The following FCHSD2 variants were observed in gnomAD, a reference collection of about 807,000 sequenced individuals.
FCHSD2 encodes F-BAR and double SH3 domains protein 2.
FCHSD2 carries 38 observed loss-of-function variants against 108.1 expected under a neutral mutation model. The observed-to-expected ratio is 0.35, with a 90% CI of 0.27 to 0.46. FCHSD2 has a LOEUF of 0.46. FCHSD2 is among the 20% of genes least tolerant of loss of function. The pLI is 1.00. For synonymous variants in FCHSD2, 279 were observed against 314.7 expected, an observed-to-expected ratio of 0.89 and a Z score of 1.20; for missense variants, 751 against 897.8, an observed-to-expected ratio of 0.84 and a Z score of 2.09.
intron 3 of FCHSD2, among the ~76,000 whole-genome samples, chr11:73,058,534 C>T (rs1859085723): frequency 6.6e-6 from 1 of 151,450 alleles, no homozygotes; most frequent in South Asian, 2.1e-4. Flanking sequence ...TTTAACAAAA[C>T]TTCTTGGCTA....
intron 2 of FCHSD2, among the ~76,000 whole-genome samples, chr11:73,135,744 C>T (rs928773891): frequency 5.3e-5 from 8 of 152,182 alleles, no homozygotes; most frequent in Non-Finnish European, 8.8e-5. Context: ...ACTTCACTCC[C>T]AAATACTAGC....
intron 2 of FCHSD2, among the ~76,000 whole-genome samples, chr11:73,114,706 G>A (rs930793897): frequency 2.6e-5 from 4 of 152,142 alleles, no homozygotes; most frequent in Admixed American, 6.6e-5. Context: ...TTCTGGCCCA[G>A]GGTGTGTCTA....
intron 3 of FCHSD2, among the ~76,000 whole-genome samples, chr11:73,060,603 T>C (rs1199417712): frequency 6.6e-6 from 1 of 152,222 alleles, no homozygotes. Flanking sequence ...ACCATGTAAT[T>C]ATTTCATGCT....
intron 4 of FCHSD2, among the ~76,000 whole-genome samples, chr11:73,013,430 C>T (rs1268414763): frequency 6.6e-6 from 1 of 152,338 alleles, no homozygotes; most frequent in East Asian, 1.9e-4. Flanking sequence ...TGGCTATCTC[C>T]TGTATGCTTA....
intron 12 of FCHSD2, among the ~76,000 whole-genome samples, chr11:72,885,342 T>G (rs748581735): frequency 2.0e-5 from 3 of 152,202 alleles, no homozygotes; most frequent in Non-Finnish European, 4.4e-5. Flanking sequence ...TTCAACATTT[T>G]TGATAAGAAA....
chr11:73,039,510 C>T (rs1380745368), intron 3 of FCHSD2, among the ~76,000 whole-genome samples: 1 of 130,790 alleles, frequency 7.6e-6, no homozygotes, highest in African/African-American at 2.6e-5. Flanking sequence ...GAGAGAGACT[C>T]CGTCTCCAAA....
intron 3 of FCHSD2, among the ~76,000 whole-genome samples, chr11:73,047,238 T>C (rs1036935613): frequency 1.3e-5 from 2 of 148,752 alleles, no homozygotes; most frequent in Admixed American, 1.3e-4. Context: ...AAAACTACCA[T>C]TTTTTTTTTA....
At chr11:72,894,670 C>T (rs1284281099) in intron 10 of FCHSD2, among the ~76,000 whole-genome samples, 2 of 152,086 alleles carry the variant, frequency 1.3e-5, no homozygotes, top group Admixed American at 6.6e-5. Flanking sequence ...TCCAACTACA[C>T]GTTTGTACAG....
At chr11:72,873,366 T>C (rs2135217355) in intron 12 of FCHSD2, among the ~76,000 whole-genome samples, 1 of 152,298 alleles carries the variant, frequency 6.6e-6, no homozygotes, top group Middle Eastern at 3.4e-3. Context: ...TGTGCTTATT[T>C]ATGGGTCATT....
chr11:73,081,732 ATATATGTAGTG>A (rs1458028491), intron 3 of FCHSD2, among the ~76,000 whole-genome samples: 1 of 152,086 alleles, frequency 6.6e-6, no homozygotes, highest in African/African-American at 2.4e-5. Context: ...TTTTATAAAT[ATATATGTAGTG>A]TACATGTATG....
chr11:72,908,973 C>T (rs1266391786), intron 9 of FCHSD2, among the ~76,000 whole-genome samples: 3 of 151,980 alleles, frequency 2.0e-5, no homozygotes, highest in African/African-American at 7.3e-5. Flanking sequence ...ATTTATATGT[C>T]CTTTTTTGAG....
At chr11:72,894,780 T>G (rs1222984047) in intron 10 of FCHSD2, among the ~76,000 whole-genome samples, 2 of 152,176 alleles carry the variant, frequency 1.3e-5, no homozygotes, top group South Asian at 2.1e-4. Context: ...AAAATGTGAT[T>G]TGAACTAATA....
At chr11:73,017,689 AC>A (rs1858004601) in intron 3 of FCHSD2, among the ~76,000 whole-genome samples, 2 of 152,200 alleles carry the variant, frequency 1.3e-5, no homozygotes, top group Non-Finnish European at 2.9e-5. Context: ...CTAAATATGT[AC>A]GGTAGTTTTT....
chr11:72,839,307 GA>G (rs1410167425), intron 19 of FCHSD2, among the ~76,000 whole-genome samples: 1 of 152,160 alleles, frequency 6.6e-6, no homozygotes, highest in East Asian at 1.9e-4. Flanking sequence ...TCTGCTTTAA[GA>G]AGAAAAAAAT....
At chr11:73,089,537 T>C (rs1469137991) in intron 2 of FCHSD2, among the ~76,000 whole-genome samples, 9 of 152,184 alleles carry the variant, frequency 5.9e-5, no homozygotes, top group South Asian at 4.1e-4. Context: ...AACCCACATG[T>C]CCATCAACTG....
intron 3 of FCHSD2, among the ~76,000 whole-genome samples, chr11:73,060,344 A>G (rs1591522068): frequency 6.6e-6 from 1 of 152,308 alleles, no homozygotes; most frequent in East Asian, 1.9e-4. Flanking sequence ...TTCAAACATA[A>G]TTTCCCAAGA....
chr11:72,966,677 T>C (rs969978063), intron 8 of FCHSD2, among the ~76,000 whole-genome samples: 5 of 152,166 alleles, frequency 3.3e-5, no homozygotes, highest in East Asian at 3.9e-4. Flanking sequence ...AGGGATACAA[T>C]TGTGAGCAGA....
At chr11:72,913,515 C>T (rs960374818) in intron 9 of FCHSD2, among the ~76,000 whole-genome samples, 3 of 152,164 alleles carry the variant, frequency 2.0e-5, no homozygotes, top group African/African-American at 4.8e-5. Flanking sequence ...GTGATCCACC[C>T]ACCTTGGCCT....
intron 9 of FCHSD2, among the ~76,000 whole-genome samples, chr11:72,914,930 C>G (rs949468001): frequency 1.4e-5 from 2 of 145,870 alleles, no homozygotes; most frequent in Admixed American, 1.4e-4. Context: ...AATAAACTAT[C>G]AACGGAATAA....
Sources: allele counts gnomAD v4.1 joint callset (sites outside exome capture counted in the v4.1 genomes callset), GRCh38; gene constraint gnomAD v4.1.1; transcripts MANE v1.5; gene names NCBI Gene and HGNC (gene_info 2026-07-23, HGNC 2026-07-21).